Variants in AFAP1 observed in about 807,000 individuals in gnomAD.
The protein encoded by AFAP1 is actin filament associated protein 1, also known as actin filament-associated protein 1.
Under a neutral mutation model 93.9 loss-of-function variants are expected in AFAP1, and 75 were observed. That is an observed-to-expected ratio of 0.80 (90% confidence interval 0.66 to 0.97). AFAP1 has a LOEUF of 0.97. AFAP1 is among the 50% of genes least tolerant of loss of function. AFAP1 has a pLI of 0.00. For synonymous variants in AFAP1, 517 were observed against 430.7 expected, an observed-to-expected ratio of 1.20 and a Z score of -2.48; for missense variants, 1,201 against 1,050.8, an observed-to-expected ratio of 1.14 and a Z score of -1.98.
intron 1 of AFAP1, among the ~76,000 whole-genome samples, chr4:7,905,364 G>GA (rs1158782339): frequency 1.3e-5 from 2 of 152,198 alleles, no homozygotes; most frequent in Non-Finnish European, 2.9e-5. Flanking sequence ...TCTCAAAAAG[G>GA]AAGTGTGACT....
intron 1 of AFAP1, among the ~76,000 whole-genome samples, chr4:7,921,181 C>CTTTTTTTTTTTTTT (rs34764139): frequency 1.1e-5 from 1 of 95,110 alleles, no homozygotes; most frequent in East Asian, 3.6e-4. Flanking sequence ...GAGAGCAAAA[C>CTTTTTTTTTTTTTT]TTTTTTTTTT....
rs1553853360 is a variant in AFAP1 at position 7,898,808 on chromosome 4, A to AGTGAGT, written c.-2-26729_-2-26728insACTCAC. 8.4e-3 allele frequency among the ~76,000 whole-genome samples: 1,154 copies of AGTGAGT among 137,024 alleles called. 10 individuals are homozygous for AGTGAGT. Among genetic ancestry groups the AGTGAGT allele is most frequent in the Non-Finnish European group, 0.013 (817 of 62,942 alleles). 89.9% of individuals were successfully genotyped at this position (137,024 alleles called of 152,430 possible). On this transcript the variant is annotated intron_variant, in intron 1 of 17. Transcript: ENST00000420658. ...TTGTCTTTCTGTGCTGGGCAGTAGA[A>AGTGAGT]GTGTGTGTGTGTGTGTGTGTGTGTG...
rs1435001633 is a variant in AFAP1, at chr4:7,815,997, T to C, written c.904+21A>G. The C allele has an allele frequency of 3.1e-6, 5 of 1,595,214 alleles. No individual in the cohort carries two copies. The Admixed American group carries it at 5.3e-5, about 17-fold the overall frequency. Reference sequence around the variant, plus strand: ...TTTTTTTTTTTAGTGTATATATGTTTTTGGCACAAGCAGAACTCACCTTGC... The same window carrying C: ...TTTTTTTTTTTAGTGTATATATGTTCTTGGCACAAGCAGAACTCACCTTGC... On this transcript the variant is annotated intron_variant, in intron 8 of 17. Transcript: ENST00000420658.
chr4:7,838,411 G>C, intron 6 of AFAP1, 113 bp downstream of exon 6: 1 of 1,254,196 alleles, frequency 8.0e-7, no homozygotes, highest in Non-Finnish European at 1.1e-6. Context: ...AACTCTTTGG[G>C]TGAATCCATC....
At chr4:7,829,736 G>A (rs7685914) in intron 6 of AFAP1, among the ~76,000 whole-genome samples, 80,425 of 151,962 alleles carry the variant, frequency 0.53, 22,028 homozygotes, top group Non-Finnish European at 0.57. Flanking sequence ...CAAGGCTACA[G>A]GAAGAAAAGG....
At chr4:7,887,939 GC>G (rs2149203431) in intron 1 of AFAP1, among the ~76,000 whole-genome samples, 1 of 152,018 alleles carries the variant, frequency 6.6e-6, no homozygotes, top group South Asian at 2.1e-4. Context: ...CGATACTCCT[GC>G]CTCAGCCTCC....
intron 6 of AFAP1, among the ~76,000 whole-genome samples, chr4:7,828,210 T>C (rs550413602): frequency 2.0e-5 from 3 of 152,172 alleles, no homozygotes; most frequent in South Asian, 2.1e-4. Context: ...CTAGGGCTGC[T>C]TGAAACCACA....
In AFAP1 at chr4:7,859,118, C is replaced by T. The variant is rs142640071; in HGVS notation, c.226-3544G>A. ...TGGGCTACCACTCACAAAACACAAG[C>T]TAAGGCAACAAGGGTCCTTGGGTTG... On this transcript the variant is annotated intron_variant, in intron 3 of 17. Transcript: ENST00000420658. Among the ~76,000 whole-genome samples the T allele has an allele frequency of 2.7e-4, 41 of 152,298 alleles. No individual in the cohort carries two copies. The East Asian group carries it at 2.9e-3, about 11-fold the overall frequency.
At chr4:7,921,651 C>A (rs901626077) in intron 1 of AFAP1, among the ~76,000 whole-genome samples, 6 of 152,322 alleles carry the variant, frequency 3.9e-5, no homozygotes, top group Admixed American at 3.3e-4. Context: ...TGCGCAGAAC[C>A]TTGGATCCTA....
At chr4:7,867,888 C>T (rs1462562965) in intron 3 of AFAP1, among the ~76,000 whole-genome samples, 1 of 152,212 alleles carries the variant, frequency 6.6e-6, no homozygotes, top group Non-Finnish European at 1.5e-5. Flanking sequence ...AACGGCCCTG[C>T]CTTCCCACCG....
In AFAP1 at chr4:7,859,196, A is replaced by AGAG. The variant is rs1478268706; in HGVS notation, c.226-3623_226-3622insCTC. 1.4e-4 allele frequency among the ~76,000 whole-genome samples: 22 copies of AGAG among 152,340 alleles called. No homozygotes were observed. The East Asian group carries it at 4.1e-3, about 28-fold the overall frequency. On this transcript the variant is annotated intron_variant, in intron 3 of 17. Transcript: ENST00000420658. ...AGCACTTTGGGAGACGGAGGCAGGC[A>AGAG]GATCACAAGGTCAAGAGTTCAAGAC... is the stretch of plus-strand genomic sequence containing the variant.
At chr4:7,933,342 A>C (rs534730636) in intron 1 of AFAP1, among the ~76,000 whole-genome samples, 1,607 of 152,308 alleles carry the variant, frequency 0.011, 30 homozygotes, top group African/African-American at 0.037. Context: ...TGGGAGGCCA[A>C]GTTGGGCCGA....
At chr4:7,772,532 G>C (rs1359547374) in intron 16 of AFAP1, 1 of 322,876 alleles carries the variant, frequency 3.1e-6, no homozygotes, top group Non-Finnish European at 5.7e-6. Flanking sequence ...GTTCAGAAGA[G>C]ACACGAGGAC....
chr4:7,785,059 C>T (rs1251977385), intron 12 of AFAP1, among the ~76,000 whole-genome samples: 1 of 152,156 alleles, frequency 6.6e-6, no homozygotes, highest in East Asian at 1.9e-4. Flanking sequence ...CCTCCCAGTA[C>T]TGGGAGACAA....
chr4:7,816,133 G>C (rs1720455812), intron 7 of AFAP1, 34 bp from the exon 8 acceptor site: 2 of 1,567,388 alleles, frequency 1.3e-6, no homozygotes, highest in African/African-American at 2.7e-5. Context: ...TATTCTTACA[G>C]TGGTCACTTG....
In AFAP1 at chr4:7,763,331, G is replaced by GC. The variant is rs3216931; in HGVS notation, c.*433_*434insG. 29,890 of 189,930 alleles carry GC rather than the reference G, an allele frequency of 0.16. 3,484 individuals carry two copies. Among genetic ancestry groups the GC allele is most frequent in the East Asian group, 0.4 (2,570 of 6,366 alleles). The allele number at this position is 189,930 out of a possible 1,614,324, so 11.8% of individuals were successfully genotyped here. A position where few individuals can be genotyped will look rare whatever the true frequency, so the allele number is the denominator to read the frequency against. ...CGTGCAAGGCGAGCCCAGTGCCCAT[G>GC]GCCAGCCACACTCATGCCCGGGGCA... On this transcript the variant is annotated 3_prime_UTR_variant, in exon 18 of 18. Transcript: ENST00000420658.
At chr4:7,807,488 A>G (rs1159712309) in intron 9 of AFAP1, among the ~76,000 whole-genome samples, 1 of 152,142 alleles carries the variant, frequency 6.6e-6, no homozygotes, top group Non-Finnish European at 1.5e-5. Flanking sequence ...CTCTAGCCTT[A>G]TTTAGGGAGG....
At chr4:7,863,627 C>G (rs865929131) in intron 3 of AFAP1, among the ~76,000 whole-genome samples, 1 of 152,148 alleles carries the variant, frequency 6.6e-6, no homozygotes, top group Admixed American at 6.5e-5. Context: ...CACACATCTA[C>G]TCTCCTGCAA....
intron 1 of AFAP1, among the ~76,000 whole-genome samples, chr4:7,880,469 G>A (rs976351876): frequency 2.0e-5 from 3 of 152,054 alleles, no homozygotes; most frequent in Non-Finnish European, 2.9e-5. Flanking sequence ...TAGTAGAGAC[G>A]GGGTTTCACC....
Sources: allele counts gnomAD v4.1 joint callset (sites outside exome capture counted in the v4.1 genomes callset), GRCh38; gene constraint gnomAD v4.1.1; transcripts MANE v1.5; gene names NCBI Gene and HGNC (gene_info 2026-07-23, HGNC 2026-07-21).